IPO11: variants seen among roughly 807,000 people sequenced by gnomAD.
IPO11 encodes importin 11.
Under a neutral mutation model 143.2 loss-of-function variants are expected in IPO11, and 66 were observed. That is an observed-to-expected ratio of 0.46 (90% CI 0.38 to 0.57). IPO11 has a LOEUF of 0.57. IPO11 is among the 20% of genes least tolerant of loss of function. IPO11 has a pLI of 0.00. For synonymous variants in IPO11, 385 were observed against 377.8 expected (o/e 1.02, Z -0.22); for missense variants, 1,026 against 1,141.0 (o/e 0.90, Z 1.45).
At chr5:62,431,581 A>G (rs937771127) in intron 1 of IPO11, among the ~76,000 whole-genome samples, 7 of 151,864 alleles carry the variant, frequency 4.6e-5, no homozygotes, top group African/African-American at 1.2e-4. Context: ...CAGATAGTCT[A>G]CCCCCACCAG....
At chr5:62,481,323 T>A (rs1486573894) in intron 9 of IPO11, among the ~76,000 whole-genome samples, 1 of 152,204 alleles carries the variant, frequency 6.6e-6, no homozygotes, top group South Asian at 2.1e-4. Flanking sequence ...AGAGAGGGTA[T>A]CCCTGTCTTG....
At chr5:62,605,572 A>C (rs1232519009) in intron 29 of IPO11, among the ~76,000 whole-genome samples, 2 of 151,916 alleles carry the variant, frequency 1.3e-5, no homozygotes, top group Non-Finnish European at 2.9e-5. Flanking sequence ...TACTATAAAG[A>C]CTTCAGCTAA....
intron 29 of IPO11, among the ~76,000 whole-genome samples, chr5:62,602,245 A>G (rs1745533933): frequency 6.6e-6 from 1 of 152,178 alleles, no homozygotes. Flanking sequence ...ACAGGCTTTT[A>G]TAAAAATGCC....
rs373267363 is a variant in IPO11 at position 62,551,019 on chromosome 5, G to GTATATA, written c.2347-190_2347-185dup. Among the ~76,000 whole-genome samples the GTATATA allele has an allele frequency of 8.0e-3, 1,153 of 144,330 alleles. 8 individuals are homozygous for GTATATA. Among genetic ancestry groups the GTATATA allele is most frequent in the African/African-American group, 0.023 (892 of 39,264 alleles). 94.7% of individuals were successfully genotyped at this position (144,330 alleles called of 152,430 possible). ...GATAAATAGTATTTTTCTCTTTATTGTATATATATATATATATATGGTGCA... is the reference window on the plus strand; with the variant it reads ...GATAAATAGTATTTTTCTCTTTATTGTATATATATATATATATATATATATGGTGCA... On this transcript the variant is annotated intron_variant, in intron 25 of 29. Transcript: ENST00000325324.
Position 62,588,691 on chromosome 5 carries a change from C to T in IPO11, c.2583-2886C>T, listed in dbSNP as rs141201019. ...TTAAACCCCGCATCCTCAAACTCTA[C>T]CAGCTTTGCAAGCTTCCAAGCCTGA... On this transcript the variant is annotated intron_variant, in intron 27 of 29. Coordinates refer to ENST00000325324, the MANE Select transcript of IPO11 (RefSeq NM_016338.5). Among the ~76,000 whole-genome samples the T allele has an allele frequency of 2.6e-5, 4 of 152,338 alleles. No homozygotes were observed. In the East Asian group the frequency reaches 7.7e-4, roughly 29 times the overall value.
At chr5:62,459,558 T>A in intron 5 of IPO11, among the ~76,000 whole-genome samples, 1 of 113,504 alleles carries the variant, frequency 8.8e-6, no homozygotes, top group African/African-American at 3.7e-5. Flanking sequence ...TACTTAAGCC[T>A]TTTTTTTTTT....
chr5:62,465,768 T>C (rs186477585), intron 5 of IPO11, among the ~76,000 whole-genome samples: 1 of 152,362 alleles, frequency 6.6e-6, no homozygotes, highest in African/African-American at 2.4e-5. Flanking sequence ...TTTGTAAAGA[T>C]ACAGTGAACC....
chr5:62,559,940 AAAGAG>A (rs1326426535), intron 26 of IPO11, among the ~76,000 whole-genome samples: 6 of 137,710 alleles, frequency 4.4e-5, no homozygotes, highest in East Asian at 3.9e-4. Context: ...AAAAAAAAAA[AAAGAG>A]AGAGAAAAAC....
intron 24 of IPO11, among the ~76,000 whole-genome samples, chr5:62,547,915 A>G (rs1311081151): frequency 3.9e-5 from 6 of 152,124 alleles, no homozygotes; most frequent in Non-Finnish European, 5.9e-5. Flanking sequence ...CTTAAAGAAA[A>G]AAACTGTAGA....
Position 62,536,790 on chromosome 5 carries a change from G to A in IPO11, c.2169+9G>A. On this transcript the variant is annotated intron_variant, in intron 23 of 29. Transcript: ENST00000325324. Reference sequence around the variant, plus strand: ...CAACAGAATTTTTACAGGTATGTTGGAGTACTTTTGCATTATATGAAATTA... The same window carrying A: ...CAACAGAATTTTTACAGGTATGTTGAAGTACTTTTGCATTATATGAAATTA... 2 of 1,533,864 alleles carry A rather than the reference G, an allele frequency of 1.3e-6. No homozygotes were observed. Among genetic ancestry groups the A allele is most frequent in the Non-Finnish European group, 1.7e-6 (2 of 1,148,414 alleles).
chr5:62,474,267 C>T, intron 7 of IPO11, 149 bp from the exon 8 acceptor site: 1 of 527,940 alleles, frequency 1.9e-6, no homozygotes, highest in South Asian at 3.1e-5. Context: ...TAATAGTGAA[C>T]TGTTTTTTGC....
rs140596246 is a variant in IPO11 at position 62,627,399 on chromosome 5, G to T, written c.*81G>T. The T allele has an allele frequency of 1.0e-4, 135 of 1,300,088 alleles. No homozygotes were observed. The highest frequency in any genetic ancestry group is 1.4e-4 in the Non-Finnish European group (129 of 944,996). 80.5% of individuals were successfully genotyped at this position (1,300,088 alleles called of 1,614,324 possible). On this transcript the variant is annotated 3_prime_UTR_variant, in exon 30 of 30. Transcript: ENST00000325324. ...TGCCGTTTGTATGTGAGAGCCTGCTGAGATGAAGAAATCACTTCATGAAAA... is the reference window on the plus strand; with the variant it reads ...TGCCGTTTGTATGTGAGAGCCTGCTTAGATGAAGAAATCACTTCATGAAAA...
chr5:62,469,861 T>C (rs1745706109), intron 6 of IPO11, among the ~76,000 whole-genome samples: 1 of 152,208 alleles, frequency 6.6e-6, no homozygotes, highest in Admixed American at 6.5e-5. Flanking sequence ...TAATTGTATT[T>C]CCATTAATAT....
At chr5:62,501,252 T>A (rs180950418) in intron 16 of IPO11, among the ~76,000 whole-genome samples, 20 of 152,342 alleles carry the variant, frequency 1.3e-4, no homozygotes, top group Non-Finnish European at 2.9e-4. Context: ...ATCCTTTGTA[T>A]CTCAAAAACA....
chr5:62,515,762 G>A (rs1053719971), intron 20 of IPO11, among the ~76,000 whole-genome samples: 2 of 152,074 alleles, frequency 1.3e-5, no homozygotes, highest in Non-Finnish European at 2.9e-5. Flanking sequence ...GGTTCATGCA[G>A]TCCATGGCAC....
chr5:62,515,262 A>C, intron 19 of IPO11, 126 bp from the exon 20 acceptor site: 1 of 533,820 alleles, frequency 1.9e-6, no homozygotes, highest in Non-Finnish European at 3.3e-6. Flanking sequence ...TAAGCTTAAT[A>C]CATTACATCT....
At chr5:62,584,639 GGAAAT>G (rs1265221855) in intron 27 of IPO11, among the ~76,000 whole-genome samples, 3 of 128,892 alleles carry the variant, frequency 2.3e-5, no homozygotes, top group Non-Finnish European at 3.3e-5. Flanking sequence ...AAAAAAAAAA[GGAAAT>G]AGGAGCAGGT....
chr5:62,431,122 A>C (rs531654162), intron 1 of IPO11, among the ~76,000 whole-genome samples: 1 of 151,726 alleles, frequency 6.6e-6, no homozygotes, highest in African/African-American at 2.4e-5. Flanking sequence ...GACTACAGGC[A>C]TGTGCTACGG....
chr5:62,437,269 G>T lies in IPO11; in HGVS notation c.-6-5G>T. On this transcript the variant is annotated splice_region_variant and splice_polypyrimidine_tract_variant and intron_variant, in intron 1 of 29. Transcript: ENST00000325324. ...TATTCAAGTATGTTAACTTATCATT[G>T]CCAGGTTTCCATGGATCTCAATAGT... 6.3e-7 allele frequency: 1 copy of T among 1,578,388 alleles called. No homozygotes were observed. The highest frequency in any genetic ancestry group is 8.6e-7 in the Non-Finnish European group (1 of 1,164,372).
Sources: gnomAD v4.1 joint callset for allele counts (sites outside exome capture counted in the v4.1 genomes callset) on GRCh38, gnomAD v4.1.1 for gene constraint, MANE v1.5 for transcripts, NCBI Gene and HGNC (gene_info 2026-07-23, HGNC 2026-07-21) for gene names.